PYCARD: variants seen among roughly 807,000 people sequenced by gnomAD.
The protein encoded by PYCARD is PYD and CARD domain containing, also known as apoptosis-associated speck-like protein containing a CARD.
In PYCARD, 10 loss-of-function variants were observed where a neutral mutation model predicts 10.0. The ratio of observed to expected loss-of-function variants is 1.00; its 90% CI spans 0.62 to 1.69. The LOEUF is 1.69. PYCARD is among the 40% of genes most tolerant of loss of function. The pLI is 0.00. For synonymous variants in PYCARD, 121 were observed against 122.3 expected (o/e 0.99, Z 0.07); for missense variants, 239 against 260.2 (o/e 0.92, Z 0.56).
At position 31,202,437 on chromosome 16, in the gene PYCARD, A is replaced by T. The variant is rs1473618880; in HGVS notation, c.254T>A (p.Leu85Gln). ...DMGLQEMAGQ[L>Q]QAATHQGSGA... is the part of the protein sequence containing the mutation. ...CTCACCCTGGTGCGTGGCCGCCTGC[A>T]GCTGCCCGGCCATCTCCTGCAGGCC... Residue 85 changes from leucine (L) to glutamine (Q), a missense_variant, in exon 1 of 3, where the codon CTG (leucine) becomes CAG (glutamine). Coordinates refer to ENST00000247470, the MANE Select transcript of PYCARD (RefSeq NM_013258.5). The surrounding 1 kb of genome is among the most constrained non-coding windows in gnomAD (Gnocchi z 4.5). The T allele has an allele frequency of 6.5e-7, 1 of 1,546,294 alleles. No individual in the cohort carries two copies. Among genetic ancestry groups the T allele is most frequent in the Non-Finnish European group, 8.7e-7 (1 of 1,145,792 alleles).
chr16:31,201,875 AGGGTGTG>A, intron 2 of PYCARD, 34 bp from the exon 3 acceptor site: 1 of 1,609,126 alleles, frequency 6.2e-7, no homozygotes, highest in Non-Finnish European at 8.5e-7. Context: ...GCCAGCAGCC[AGGGTGTG>A]GGGCCTGTCC....
In PYCARD at chr16:31,202,228, CCCCTTCCCTT is replaced by C; in HGVS notation, c.275-35_275-26del. Reference sequence around the variant, plus strand: ...CCTGGAAGGATATGGGCCAAGTGATCCCCTTCCCTTCCCTTCCCGCCGTGGGGCCGGGGTC... The same window carrying C: ...CCTGGAAGGATATGGGCCAAGTGATCCCCTTCCCGCCGTGGGGCCGGGGTC... On this transcript the variant is annotated intron_variant, in intron 1 of 2. Coordinates refer to ENST00000247470, the MANE Select transcript of PYCARD (RefSeq NM_013258.5). The surrounding 1 kb of genome is among the most constrained non-coding windows in gnomAD (Gnocchi z 4.5). 1 of 1,600,054 alleles carries C rather than the reference CCCCTTCCCTT, an allele frequency of 6.2e-7. No individual in the cohort carries two copies. The highest frequency in any genetic ancestry group is 1.1e-5 in the South Asian group (1 of 90,730).
Position 31,202,236 on chromosome 16 carries a change from C to T in PYCARD, c.275-33G>A, listed in dbSNP as rs763590688. On this transcript the variant is annotated intron_variant, in intron 1 of 2. Coordinates refer to ENST00000247470, the MANE Select transcript of PYCARD (RefSeq NM_013258.5). This position sits in a 1 kb window ranked among gnomAD's most constrained non-coding sequence, Gnocchi z 4.5. ...GATATGGGCCAAGTGATCCCCTTCC[C>T]TTCCCTTCCCGCCGTGGGGCCGGGG... is the stretch of plus-strand genomic sequence containing the variant. 1.3e-6 allele frequency: 2 copies of T among 1,596,322 alleles called. No homozygotes were observed. Among genetic ancestry groups the T allele is most frequent in the East Asian group, 2.2e-5 (1 of 44,590 alleles).
At position 31,202,639 on chromosome 16, in the gene PYCARD, C is replaced by G; in HGVS notation, c.52G>C (p.Glu18Gln). Residue 18 changes from glutamate (E) to glutamine (Q), a missense_variant, in exon 1 of 3, where the codon GAG becomes CAG. Glu to Gln is a conservative substitution (Grantham distance 29). Coordinates refer to ENST00000247470, the MANE Select transcript of PYCARD (RefSeq NM_013258.5). This position sits in a 1 kb window ranked among gnomAD's most constrained non-coding sequence, Gnocchi z 4.5. Reference protein sequence around the residue: ...ILDALENLTAEELKKFKLKLL... With the variant: ...ILDALENLTAQELKKFKLKLL... ...TTCAGCTTGAACTTCTTGAGCTCCT[C>G]GGCGGTCAGGTTCTCCAGCGCATCC... 1 of 1,609,832 alleles carries G rather than the reference C, an allele frequency of 6.2e-7. No homozygotes were observed. The highest frequency in any genetic ancestry group is 8.5e-7 in the Non-Finnish European group (1 of 1,177,824).
At position 31,202,659 on chromosome 16, in the gene PYCARD, G is replaced by A. The variant is rs1463869048; in HGVS notation, c.32C>T (p.Ala11Val). The change falls in exon 1 of 3, where the codon GCG (alanine) becomes GTG (valine). Residue 11 changes from alanine to valine, a missense_variant. Ala to Val is a moderately conservative substitution (Grantham distance 64, BLOSUM62 0). Coordinates refer to ENST00000247470, the MANE Select transcript of PYCARD (RefSeq NM_013258.5). This position sits in a 1 kb window ranked among gnomAD's most constrained non-coding sequence, Gnocchi z 4.5. ...CTCCTCGGCGGTCAGGTTCTCCAGCGCATCCAGGATGGCGTCGCGCGCGCG... is the reference window on the plus strand; with the variant it reads ...CTCCTCGGCGGTCAGGTTCTCCAGCACATCCAGGATGGCGTCGCGCGCGCG... MGRARDAILD[A>V]LENLTAEELK... The A allele has an allele frequency of 8.7e-6, 14 of 1,600,654 alleles. No individual in the cohort carries two copies. The highest frequency in any genetic ancestry group is 1.7e-5 in the Admixed American group (1 of 59,560).
In PYCARD at chr16:31,202,144, C is replaced by T; in HGVS notation, c.331+3G>A. On this transcript the variant is annotated splice_donor_region_variant and intron_variant, in intron 2 of 2. Transcript: ENST00000247470. The surrounding 1 kb of genome is among the most constrained non-coding windows in gnomAD (Gnocchi z 4.5). The stretch of plus-strand genomic sequence containing the variant: ...GGGGCCGGGCTGGGTGTGGAGGCCT[C>T]ACCTGGCTTGGCTGCCGACTGAGGA... 1 of 1,607,190 alleles carries T rather than the reference C, an allele frequency of 6.2e-7. No individual in the cohort carries two copies. Among genetic ancestry groups the T allele is most frequent in the Non-Finnish European group, 8.5e-7 (1 of 1,179,408 alleles).
chr16:31,202,606 A>G lies in PYCARD; in HGVS notation c.85T>C (p.Ser29Pro), dbSNP rs1383016151. The change falls in exon 1 of 3, where the codon TCG (serine) becomes CCG (proline). Residue 29 changes from serine (S) to proline (P), a missense_variant. Physicochemically the swap from Ser to Pro is moderately conservative, Grantham distance 74 (BLOSUM62 -1). Coordinates refer to ENST00000247470, the MANE Select transcript of PYCARD (RefSeq NM_013258.5). This position sits in a 1 kb window ranked among gnomAD's most constrained non-coding sequence, Gnocchi z 4.5. Reference sequence around the variant, plus strand: ...CCGTAGCCCTCGCGCAGCGGCACCGACAGCAGCTTCAGCTTGAACTTCTTG... The same window carrying G: ...CCGTAGCCCTCGCGCAGCGGCACCGGCAGCAGCTTCAGCTTGAACTTCTTG... ...ELKKFKLKLLSVPLREGYGRI... is the reference protein window; with the variant it reads ...ELKKFKLKLLPVPLREGYGRI... 1 of 1,612,852 alleles carries G rather than the reference A, an allele frequency of 6.2e-7. No homozygotes were observed. Among genetic ancestry groups the G allele is most frequent in the African/African-American group, 1.3e-5 (1 of 75,026 alleles).
At chr16:31,201,970 C>G (rs1419534030) in intron 2 of PYCARD, 129 bp from the exon 3 acceptor site, 1 of 1,476,414 alleles carries the variant, frequency 6.8e-7, no homozygotes, top group Non-Finnish European at 9.1e-7. Flanking sequence ...CAGGACCCCA[C>G]ATGCAGTGGG....
In PYCARD at chr16:31,202,392, G is replaced by C. The variant is rs1462494192; in HGVS notation, c.274+25C>G. The C allele has an allele frequency of 2.0e-6, 3 of 1,526,844 alleles. No homozygotes were observed. The highest frequency in any genetic ancestry group is 2.6e-6 in the Non-Finnish European group (3 of 1,138,178). 94.6% of individuals were successfully genotyped at this position (1,526,844 alleles called of 1,614,324 possible). On this transcript the variant is annotated intron_variant, in intron 1 of 2. Coordinates refer to ENST00000247470, the MANE Select transcript of PYCARD (RefSeq NM_013258.5). This position sits in a 1 kb window ranked among gnomAD's most constrained non-coding sequence, Gnocchi z 4.5. Reference sequence around the variant, plus strand: ...GGTGTGGGTGGAGGGGAAAGACGGGGTGGAGGGGAACGGGGGCGGCTCACC... The same window carrying C: ...GGTGTGGGTGGAGGGGAAAGACGGGCTGGAGGGGAACGGGGGCGGCTCACC...
rs767629329 is a variant in PYCARD at position 31,201,634 on chromosome 16, G to T, written c.539C>A (p.Ala180Asp). ...NWTCKDLLLQ[A>D]LRESQSYLVE... The stretch of plus-strand genomic sequence containing the variant: ...CAGGTAGGACTGGGACTCCCTTAGG[G>T]CCTGGAGGAGCAAGTCCTTGCAGGT... Residue 180 changes from alanine to aspartate, a missense_variant, in exon 3 of 3, where the codon GCC (alanine) becomes GAC (aspartate). Transcript: ENST00000247470. 1 of 1,614,190 alleles carries T rather than the reference G, an allele frequency of 6.2e-7. No homozygotes were observed. Among genetic ancestry groups the T allele is most frequent in the Admixed American group, 1.7e-5 (1 of 60,028 alleles).
chr16:31,201,779 G>A lies in PYCARD; in HGVS notation c.394C>T (p.Leu132=), dbSNP rs771267416. The A allele has an allele frequency of 6.2e-7, 1 of 1,614,212 alleles. No homozygotes were observed. The highest frequency in any genetic ancestry group is 8.5e-7 in the Non-Finnish European group (1 of 1,180,030). ...LIARVTNVEW[L]LDALYGKVLT... is the part of the protein sequence containing the mutation. ...ACCTTCCCGTACAGAGCATCCAGCA[G>A]CCACTCAACGTTTGTGACCCTCGCG... Residue 132 remains leucine, a synonymous_variant, in exon 3 of 3, where the codon CTG becomes TTG. Transcript: ENST00000247470.
At position 31,202,196 on chromosome 16, in the gene PYCARD, T is replaced by C; in HGVS notation, c.282A>G (p.Gly94=). Residue 94 remains glycine (G), a synonymous_variant, in exon 2 of 3, where the codon GGA becomes GGG. Transcript: ENST00000247470. The surrounding 1 kb of genome is among the most constrained non-coding windows in gnomAD (Gnocchi z 4.5). ...GGGCCTGGATCCCAGCTGGCGCGGC[T>C]CCAGAGCCTGGAAGGATATGGGCCA... ...QLQAATHQGS[G]AAPAGIQAPP... is the part of the protein sequence containing the mutation. The C allele has an allele frequency of 6.2e-7, 1 of 1,604,560 alleles. No individual in the cohort carries two copies.
At position 31,202,062 on chromosome 16, in the gene PYCARD, C is replaced by T; in HGVS notation, c.331+85G>A. 2.6e-6 allele frequency: 4 copies of T among 1,524,374 alleles called. No individual in the cohort carries two copies. The highest frequency in any genetic ancestry group is 3.5e-6 in the Non-Finnish European group (4 of 1,137,046). 94.4% of individuals were successfully genotyped at this position (1,524,374 alleles called of 1,614,324 possible). A position where few individuals can be genotyped will look rare whatever the true frequency, so the allele number is the denominator to read the frequency against. Reference sequence around the variant, plus strand: ...GCAGGGTTGCCAAGCCGTGCCTGCCCTGCCCTGCCCTGCCCTGGTTGCGGG... The same window carrying T: ...GCAGGGTTGCCAAGCCGTGCCTGCCTTGCCCTGCCCTGCCCTGGTTGCGGG... On this transcript the variant is annotated intron_variant, in intron 2 of 2. Transcript: ENST00000247470. This position sits in a 1 kb window ranked among gnomAD's most constrained non-coding sequence, Gnocchi z 4.5.
rs1453920364 is a variant in PYCARD, at chr16:31,202,414, C to T, written c.274+3G>A. ...GGGGTGGAGGGGAACGGGGGCGGCT[C>T]ACCCTGGTGCGTGGCCGCCTGCAGC... is the stretch of plus-strand genomic sequence containing the variant. On this transcript the variant is annotated splice_donor_region_variant and intron_variant, in intron 1 of 2. Transcript: ENST00000247470. This position sits in a 1 kb window ranked among gnomAD's most constrained non-coding sequence, Gnocchi z 4.5. The T allele has an allele frequency of 1.3e-6, 2 of 1,533,486 alleles. No individual in the cohort carries two copies. Among genetic ancestry groups the T allele is most frequent in the South Asian group, 1.2e-5 (1 of 83,766 alleles). 95.0% of individuals were successfully genotyped at this position (1,533,486 alleles called of 1,614,324 possible). A position where few individuals can be genotyped will look rare whatever the true frequency, so the allele number is the denominator to read the frequency against.
rs570365939 is a variant in PYCARD at position 31,202,250 on chromosome 16, G to A, written c.275-47C>T. 19 of 1,590,726 alleles carry A rather than the reference G, an allele frequency of 1.2e-5. No individual in the cohort carries two copies. The South Asian group carries it at 1.5e-4, about 12-fold the overall frequency. ...GATCCCCTTCCCTTCCCTTCCCGCC[G>A]TGGGGCCGGGGTCCCGTTGGTCGGT... On this transcript the variant is annotated intron_variant, in intron 1 of 2. Coordinates refer to ENST00000247470, the MANE Select transcript of PYCARD (RefSeq NM_013258.5). This position sits in a 1 kb window ranked among gnomAD's most constrained non-coding sequence, Gnocchi z 4.5.
rs2079447947 is a variant in PYCARD, at chr16:31,202,145, A to C, written c.331+2T>G. On this transcript the variant is annotated splice_donor_variant, in intron 2 of 2. Transcript: ENST00000247470. LOFTEE classifies it high-confidence loss of function. The surrounding 1 kb of genome is among the most constrained non-coding windows in gnomAD (Gnocchi z 4.5). ...GGGCCGGGCTGGGTGTGGAGGCCTC[A>C]CCTGGCTTGGCTGCCGACTGAGGAG... The C allele has an allele frequency of 6.2e-7, 1 of 1,606,978 alleles. No individual in the cohort carries two copies. The highest frequency in any genetic ancestry group is 8.5e-7 in the Non-Finnish European group (1 of 1,179,410).
In PYCARD at chr16:31,201,572, C is replaced by G; in HGVS notation, c.*13G>C. On this transcript the variant is annotated 3_prime_UTR_variant, in exon 3 of 3. Coordinates refer to ENST00000247470, the MANE Select transcript of PYCARD (RefSeq NM_013258.5). The stretch of plus-strand genomic sequence containing the variant: ...TTGCCAGGGGCTGACCGGAGTGTTG[C>G]TGGGAAGGAGCCTCAGCTCCGCTCC... 1.2e-6 allele frequency: 2 copies of G among 1,607,892 alleles called. No homozygotes were observed. The highest frequency in any genetic ancestry group is 8.5e-7 in the Non-Finnish European group (1 of 1,175,436).
intron 2 of PYCARD, 125 bp from the exon 3 acceptor site, chr16:31,201,966 C>T (rs755642196): frequency 6.7e-7 from 1 of 1,485,520 alleles, no homozygotes; most frequent in Admixed American, 2.0e-5. Flanking sequence ...CCACCAGGAC[C>T]CCACATGCAG....
Position 31,202,267 on chromosome 16 carries a change from T to A in PYCARD, c.275-64A>T. On this transcript the variant is annotated intron_variant, in intron 1 of 2. Coordinates refer to ENST00000247470, the MANE Select transcript of PYCARD (RefSeq NM_013258.5). This position sits in a 1 kb window ranked among gnomAD's most constrained non-coding sequence, Gnocchi z 4.5. ...TTCCCGCCGTGGGGCCGGGGTCCCG[T>A]TGGTCGGTAGGCCAAGCGTGGGGAG... 6.3e-7 allele frequency: 1 copy of A among 1,579,880 alleles called. No homozygotes were observed. The highest frequency in any genetic ancestry group is 8.5e-7 in the Non-Finnish European group (1 of 1,170,148).
Sources: gnomAD v4.1 joint callset for allele counts on GRCh38, gnomAD v4.1.1 for gene constraint, Gnocchi (gnomAD v3.1) non-coding constraint, MANE v1.5 for transcripts, NCBI Gene and HGNC (gene_info 2026-07-23, HGNC 2026-07-21) for gene names.